The following RNF19A variants were observed in gnomAD, a reference collection of about 807,000 sequenced individuals.
RNF19A encodes ring finger protein 19A, RBR E3 ubiquitin protein ligase.
Under a neutral mutation model 75.7 loss-of-function variants are expected in RNF19A, and 32 were observed. The ratio of observed to expected loss-of-function variants is 0.42; its 90% CI spans 0.32 to 0.57. RNF19A has a LOEUF of 0.57. Among genes scored for constraint, RNF19A ranks in the 20% least tolerant of loss-of-function variants. The pLI is 0.10. For missense variants in RNF19A, 782 were observed against 1,036.3 expected (o/e 0.75, Z 3.37); for synonymous variants, 335 against 345.2 (o/e 0.97, Z 0.33).
upstream of RNF19A, among the ~76,000 whole-genome samples, chr8:100,313,116 C>G (rs1256349297): frequency 1.3e-5 from 2 of 152,138 alleles, no homozygotes; most frequent in Non-Finnish European, 2.9e-5. Flanking sequence ...TCTTCTAATT[C>G]ATTTAACATC....
At chr8:100,270,319 TAA>T (rs991070663) in intron 3 of RNF19A, among the ~76,000 whole-genome samples, 7 of 152,126 alleles carry the variant, frequency 4.6e-5, no homozygotes, top group African/African-American at 7.2e-5. Context: ...GTGAACTACG[TAA>T]AGTTTGTCTT....
In RNF19A at chr8:100,258,512, A is replaced by T. The variant is rs1272750386; in HGVS notation, c.*44T>A. On this transcript the variant is annotated 3_prime_UTR_variant, in exon 10 of 10. Transcript: ENST00000341084. The surrounding 1 kb of genome is among the most constrained non-coding windows in gnomAD (Gnocchi z 4.3). ...AGTCACATGTAGTTCAACCAGCTCCAAACACGGTTGTACAGTGGTAATTAT... is the reference window on the plus strand; with the variant it reads ...AGTCACATGTAGTTCAACCAGCTCCTAACACGGTTGTACAGTGGTAATTAT... 6.7e-7 allele frequency: 1 copy of T among 1,496,578 alleles called. No individual in the cohort carries two copies. Among genetic ancestry groups the T allele is most frequent in the Non-Finnish European group, 9.1e-7 (1 of 1,102,772 alleles). 92.7% of individuals were successfully genotyped at this position (1,496,578 alleles called of 1,614,324 possible). A position where few individuals can be genotyped will look rare whatever the true frequency, so the allele number is the denominator to read the frequency against.
intron 1 of RNF19A, chr8:100,309,556 A>G: frequency 3.1e-6 from 3 of 981,988 alleles, no homozygotes; most frequent in Non-Finnish European, 3.6e-6. Context: ...CCGGCCGCAC[A>G]GGCACCAGGA....
intron 1 of RNF19A, among the ~76,000 whole-genome samples, chr8:100,326,043 C>G (rs1822529374): frequency 6.6e-6 from 1 of 152,182 alleles, no homozygotes; most frequent in Non-Finnish European, 1.5e-5. Flanking sequence ...GTTTTATGCT[C>G]TTTGTCTAAA....
rs1435463702 is a variant in RNF19A, at chr8:100,333,558, C to T, written c.-243+2550G>A. Reference sequence around the variant, plus strand: ...ATCAGAAAGAAATATGTCAAAGCAGCAGTTACCTGTGTTTAGAGATTATGC... The same window carrying T: ...ATCAGAAAGAAATATGTCAAAGCAGTAGTTACCTGTGTTTAGAGATTATGC... On this transcript the variant is annotated intron_variant, in intron 1 of 3. Coordinates refer to the RNF19A transcript ENST00000519527. This position sits in a 1 kb window ranked among gnomAD's most constrained non-coding sequence, Gnocchi z 4.7. Among the ~76,000 whole-genome samples, 1 of 152,214 alleles carries T rather than the reference C, an allele frequency of 6.6e-6. No individual in the cohort carries two copies. Among genetic ancestry groups the T allele is most frequent in the African/African-American group, 2.4e-5 (1 of 41,444 alleles).
intron 3 of RNF19A, among the ~76,000 whole-genome samples, chr8:100,274,631 C>T (rs953334306): frequency 1.3e-5 from 2 of 151,994 alleles, no homozygotes; most frequent in Non-Finnish European, 2.9e-5. Flanking sequence ...GTGGTCGGCC[C>T]GCCTCAGCCT....
At chr8:100,272,267 A>C (rs1438357218) in intron 3 of RNF19A, among the ~76,000 whole-genome samples, 2 of 152,316 alleles carry the variant, frequency 1.3e-5, no homozygotes, top group Admixed American at 1.3e-4. Flanking sequence ...GTCACAATTT[A>C]AACACATATA....
chr8:100,310,709 C>A (rs554949703), upstream of RNF19A, among the ~76,000 whole-genome samples: 1 of 152,334 alleles, frequency 6.6e-6, no homozygotes, highest in East Asian at 1.9e-4. Context: ...GCCACAATAG[C>A]AAGCCTACGT....
At chr8:100,302,517 T>A (rs536962914) in intron 1 of RNF19A, among the ~76,000 whole-genome samples, 9 of 152,218 alleles carry the variant, frequency 5.9e-5, no homozygotes, top group Non-Finnish European at 1.3e-4. Flanking sequence ...GAGATGTATA[T>A]CCAAACACCC....
At chr8:100,277,650 C>A (rs1018205468) in intron 2 of RNF19A, among the ~76,000 whole-genome samples, 2 of 152,106 alleles carry the variant, frequency 1.3e-5, no homozygotes, top group East Asian at 1.9e-4. Context: ...CATTCTCTAT[C>A]CAGATATGTT....
chr8:100,289,501 C>T (rs1428120826), intron 1 of RNF19A, among the ~76,000 whole-genome samples: 5 of 152,086 alleles, frequency 3.3e-5, no homozygotes, highest in South Asian at 2.1e-4. Context: ...AATAGAAAAA[C>T]GGGCAGGGGA....
At chr8:100,328,902 G>T (rs1405019431) in intron 1 of RNF19A, among the ~76,000 whole-genome samples, 1 of 152,182 alleles carries the variant, frequency 6.6e-6, no homozygotes, top group Admixed American at 6.5e-5. Flanking sequence ...TAAGGGAATA[G>T]GACCCCCAGA....
intron 1 of RNF19A, chr8:100,309,487 C>T (rs1021914700): frequency 7.1e-6 from 7 of 985,620 alleles, no homozygotes; most frequent in Non-Finnish European, 8.4e-6. Context: ...GCTTTAGGGG[C>T]AGGAGACAGC....
chr8:100,302,509 G>A (rs1454987185), intron 1 of RNF19A, among the ~76,000 whole-genome samples: 2 of 152,192 alleles, frequency 1.3e-5, no homozygotes, highest in African/African-American at 4.8e-5. Context: ...CCTAGGTGGA[G>A]ATGTATATCC....
intron 7 of RNF19A, among the ~76,000 whole-genome samples, chr8:100,263,735 A>T (rs894306021): frequency 1.1e-4 from 17 of 152,142 alleles, no homozygotes; most frequent in African/African-American, 4.1e-4. Context: ...TATTAACTGT[A>T]TTCCTCTTCA....
chr8:100,290,744 C>T (rs1408191988), intron 1 of RNF19A, among the ~76,000 whole-genome samples: 8 of 152,156 alleles, frequency 5.3e-5, no homozygotes, highest in Admixed American at 5.2e-4. Context: ...ACAGAGCACA[C>T]TTACACAAAC....
chr8:100,291,244 C>T (rs1216075320), intron 1 of RNF19A, among the ~76,000 whole-genome samples: 1 of 152,148 alleles, frequency 6.6e-6, no homozygotes, highest in Non-Finnish European at 1.5e-5. Context: ...TGTGTTAAAC[C>T]TGCCTAACAA....
At chr8:100,326,771 A>T (rs2130382141) in intron 1 of RNF19A, among the ~76,000 whole-genome samples, 1 of 152,342 alleles carries the variant, frequency 6.6e-6, no homozygotes, top group Middle Eastern at 3.4e-3. Context: ...AGTGATACTT[A>T]TCTTAAACAC....
At chr8:100,272,260 A>T (rs1229075284) in intron 3 of RNF19A, among the ~76,000 whole-genome samples, 1 of 152,200 alleles carries the variant, frequency 6.6e-6, no homozygotes. Flanking sequence ...CAGTGCTGTC[A>T]CAATTTAAAC....
Sources: gnomAD v4.1 joint callset for allele counts (sites outside exome capture counted in the v4.1 genomes callset) on GRCh38, gnomAD v4.1.1 for gene constraint, Gnocchi (gnomAD v3.1) non-coding constraint, MANE v1.5 for transcripts, NCBI Gene and HGNC (gene_info 2026-07-23, HGNC 2026-07-21) for gene names.